CADPS2: variants seen among roughly 807,000 people sequenced by gnomAD.
CADPS2 encodes the protein calcium-dependent secretion activator 2.
Under a neutral mutation model 172.5 loss-of-function variants are expected in CADPS2, and 93 were observed. The ratio of observed to expected loss-of-function variants is 0.54; its 90% CI spans 0.46 to 0.64. The LOEUF is 0.64. Among genes scored for constraint, CADPS2 ranks in the 30% least tolerant of loss-of-function variants. The pLI, the probability that CADPS2 is intolerant of heterozygous loss-of-function variation, is 0.00. For missense variants in CADPS2, 1,420 were observed against 1,565.9 expected, an observed-to-expected ratio of 0.91 and a Z score of 1.57; for synonymous variants, 546 against 555.2, an observed-to-expected ratio of 0.98 and a Z score of 0.23.
chr7:122,574,399 T>C (rs1466135001), intron 7 of CADPS2, among the ~76,000 whole-genome samples: 2 of 127,220 alleles, frequency 1.6e-5, no homozygotes, highest in South Asian at 2.6e-4. Flanking sequence ...TGAGCCACGA[T>C]TGTGCCACCG....
chr7:122,492,581 G>A (rs1464023517), intron 9 of CADPS2, among the ~76,000 whole-genome samples: 1 of 152,208 alleles, frequency 6.6e-6, no homozygotes, highest in Non-Finnish European at 1.5e-5. Context: ...TCCCCCAACA[G>A]AGATAGAGGG....
chr7:122,385,507 T>C lies in CADPS2; in HGVS notation c.3312+1519A>G, dbSNP rs118080968. 7.9e-3 allele frequency among the ~76,000 whole-genome samples: 1,194 copies of C among 152,092 alleles called. 5 individuals carry two copies. Among genetic ancestry groups the C allele is most frequent in the South Asian group, 0.014 (68 of 4,820 alleles). On this transcript the variant is annotated intron_variant, in intron 24 of 29. Coordinates refer to ENST00000449022, the MANE Select transcript of CADPS2 (RefSeq NM_017954.11). ...GAGTCACCCTGAGTTTGATTCCCAA[T>C]TGTCAACTGTAAGACTTGTAAGATG...
intron 1 of CADPS2, among the ~76,000 whole-genome samples, chr7:122,789,641 G>A (rs971981464): frequency 3.3e-5 from 5 of 152,072 alleles, no homozygotes; most frequent in Admixed American, 2.0e-4. Flanking sequence ...AGTTAAAAAC[G>A]TCTACAGATA....
intron 3 of CADPS2, among the ~76,000 whole-genome samples, chr7:122,632,139 T>C (rs1356815137): frequency 1.3e-5 from 2 of 152,222 alleles, no homozygotes; most frequent in Admixed American, 6.5e-5. Context: ...AGGTCTTTGC[T>C]ATTGTCATTA....
At chr7:122,751,932 C>T (rs2092968963) in intron 1 of CADPS2, among the ~76,000 whole-genome samples, 1 of 152,134 alleles carries the variant, frequency 6.6e-6, no homozygotes, top group Admixed American at 6.6e-5. Flanking sequence ...CTTATTTACT[C>T]CCATTAGCAT....
intron 1 of CADPS2, among the ~76,000 whole-genome samples, chr7:122,868,096 A>G (rs1007336184): frequency 6.6e-6 from 1 of 151,938 alleles, no homozygotes; most frequent in Non-Finnish European, 1.5e-5. Context: ...CAATAAATCT[A>G]TATCTGCAGA....
intron 4 of CADPS2, 57 bp downstream of exon 4, chr7:122,629,191 A>T: frequency 7.3e-7 from 1 of 1,375,978 alleles, no homozygotes; most frequent in Non-Finnish European, 1.0e-6. Flanking sequence ...TTTTCAGCTC[A>T]CAGAAATCTA....
intron 1 of CADPS2, chr7:122,850,486 G>A (rs1385726701): frequency 8.8e-6 from 2 of 226,886 alleles, no homozygotes; most frequent in Non-Finnish European, 8.7e-6. Flanking sequence ...TCTTCCTTGT[G>A]GCAGGGGGGC....
intron 9 of CADPS2, among the ~76,000 whole-genome samples, chr7:122,493,066 G>C (rs1252752947): frequency 6.6e-6 from 1 of 151,980 alleles, no homozygotes; most frequent in Non-Finnish European, 1.5e-5. Flanking sequence ...TTAAAATCAA[G>C]GTATTCTCTT....
intron 4 of CADPS2, among the ~76,000 whole-genome samples, chr7:122,627,461 A>G (rs1194464654): frequency 6.6e-6 from 1 of 152,106 alleles, no homozygotes; most frequent in African/African-American, 2.4e-5. Flanking sequence ...TTCTTTCTCC[A>G]TGTTTTTTCC....
intron 2 of CADPS2, among the ~76,000 whole-genome samples, chr7:122,710,007 A>T (rs547127672): frequency 1.3e-4 from 20 of 150,822 alleles, no homozygotes; most frequent in Non-Finnish European, 1.9e-4. Context: ...TATGTAACTA[A>T]CCTGCACATT....
At chr7:122,782,441 C>T (rs972423795) in intron 1 of CADPS2, among the ~76,000 whole-genome samples, 1 of 152,194 alleles carries the variant, frequency 6.6e-6, no homozygotes, top group Non-Finnish European at 1.5e-5. Flanking sequence ...AACCCCATCT[C>T]TACAACAACA....
chr7:122,672,603 G>A (rs923025801), intron 2 of CADPS2, among the ~76,000 whole-genome samples: 4 of 152,182 alleles, frequency 2.6e-5, no homozygotes, highest in African/African-American at 9.7e-5. Flanking sequence ...GGAGAATAGA[G>A]ACAGAATACT....
chr7:122,562,345 T>C (rs1414924896), intron 7 of CADPS2, among the ~76,000 whole-genome samples: 3 of 152,120 alleles, frequency 2.0e-5, no homozygotes, highest in Non-Finnish European at 4.4e-5. Flanking sequence ...AGTGTTGATG[T>C]GAAAAGGACT....
chr7:122,346,918 T>C (rs1456195473), intron 27 of CADPS2, among the ~76,000 whole-genome samples: 1 of 152,188 alleles, frequency 6.6e-6, no homozygotes, highest in Non-Finnish European at 1.5e-5. Context: ...CTAATCTGTA[T>C]TGAGTTGTTG....
intron 14 of CADPS2, among the ~76,000 whole-genome samples, chr7:122,465,428 T>C (rs1305914025): frequency 6.6e-6 from 1 of 152,162 alleles, no homozygotes; most frequent in East Asian, 1.9e-4. Context: ...TACCAATCCA[T>C]GGCCTGTTTG....
chr7:122,506,726 T>TA (rs1209423827), intron 9 of CADPS2, among the ~76,000 whole-genome samples: 7 of 95,138 alleles, frequency 7.4e-5, no homozygotes, highest in Admixed American at 3.1e-4. Context: ...CTAGAGTTAT[T>TA]TAAAAAAAAA....
In CADPS2 at chr7:122,645,453, A is replaced by ATG. The variant is rs1563949645; in HGVS notation, c.787-16127_787-16126dup. 4.4e-3 allele frequency among the ~76,000 whole-genome samples: 386 copies of ATG among 87,072 alleles called. 8 individuals carry two copies. The highest frequency in any genetic ancestry group is 0.015 in the African/African-American group (370 of 25,446). The allele number at this position is 87,072 out of a possible 152,430, so 57.1% of individuals were successfully genotyped here. Reference sequence around the variant, plus strand: ...TATATATGTATATATACACACACATATGTATATATGTGTATATATGTATAT... The same window carrying ATG: ...TATATATGTATATATACACACACATATGTGTATATATGTGTATATATGTATAT... On this transcript the variant is annotated intron_variant, in intron 3 of 29. Coordinates refer to ENST00000449022, the MANE Select transcript of CADPS2 (RefSeq NM_017954.11).
chr7:122,547,812 G>T (rs1055537796), intron 8 of CADPS2, among the ~76,000 whole-genome samples: 4 of 152,172 alleles, frequency 2.6e-5, no homozygotes, highest in African/African-American at 9.6e-5. Flanking sequence ...AGGATGGGCT[G>T]CTGTAGAGAC....
Sources: allele counts gnomAD v4.1 joint callset (sites outside exome capture counted in the v4.1 genomes callset), GRCh38; gene constraint gnomAD v4.1.1; transcripts MANE v1.5; gene names NCBI Gene and HGNC (gene_info 2026-07-23, HGNC 2026-07-21).